The following FAM168A variants were observed in gnomAD, a reference collection of about 807,000 sequenced individuals.
FAM168A encodes family with sequence similarity 168 member A.
A neutral mutation model predicts 28.5 loss-of-function variants in FAM168A; 3 were observed. The observed-to-expected ratio is 0.11, with a 90% CI of 0.05 to 0.27. FAM168A has a LOEUF of 0.27. FAM168A is among the 10% of genes least tolerant of loss of function. FAM168A has a pLI of 1.00. For missense variants in FAM168A, 222 were observed against 311.5 expected (o/e 0.71, Z 2.16); for synonymous variants, 122 against 124.2 (o/e 0.98, Z 0.12).
At chr11:73,461,298 T>A (rs1468028882) in intron 2 of FAM168A, among the ~76,000 whole-genome samples, 2 of 151,958 alleles carry the variant, frequency 1.3e-5, no homozygotes, top group Non-Finnish European at 2.9e-5. Context: ...TACATTTTTT[T>A]ATAGAGATGA....
At chr11:73,455,938 CTT>C (rs34097066) in intron 2 of FAM168A, among the ~76,000 whole-genome samples, 1 of 152,150 alleles carries the variant, frequency 6.6e-6, no homozygotes, top group Non-Finnish European at 1.5e-5. Context: ...AATAAAGGAA[CTT>C]TTTACTTCTA....
At chr11:73,527,692 G>A (rs1332346791) in intron 1 of FAM168A, among the ~76,000 whole-genome samples, 1 of 152,014 alleles carries the variant, frequency 6.6e-6, no homozygotes, top group African/African-American at 2.4e-5. Context: ...TTAAGTAGCA[G>A]AAGGGGGTTT....
chr11:73,555,068 C>T (rs1943874608), intron 1 of FAM168A, among the ~76,000 whole-genome samples: 2 of 152,118 alleles, frequency 1.3e-5, no homozygotes, highest in African/African-American at 2.4e-5. Context: ...AGACATTAGC[C>T]TAGAGGAAAA....
At chr11:73,408,134 A>T (rs1415141842) in intron 6 of FAM168A, among the ~76,000 whole-genome samples, 3 of 152,016 alleles carry the variant, frequency 2.0e-5, no homozygotes, top group African/African-American at 7.3e-5. Context: ...GCCTCCCAAA[A>T]TGCTGGGATT....
intron 1 of FAM168A, among the ~76,000 whole-genome samples, chr11:73,495,479 T>A (rs1219063767): frequency 6.6e-6 from 1 of 152,088 alleles, no homozygotes. Context: ...TCACCACCAA[T>A]CTCCATTGAA....
chr11:73,469,863 G>A (rs781546812), intron 1 of FAM168A, among the ~76,000 whole-genome samples: 20 of 152,148 alleles, frequency 1.3e-4, no homozygotes, highest in Admixed American at 6.5e-4. Context: ...CACTCTCCTC[G>A]CAGAGTATTG....
chr11:73,434,824 A>T (rs1038651584), intron 2 of FAM168A, among the ~76,000 whole-genome samples: 1 of 152,250 alleles, frequency 6.6e-6, no homozygotes, highest in African/African-American at 2.4e-5. Context: ...CATAGCAATC[A>T]GCTGAGAGGC....
At chr11:73,553,063 T>C (rs1023390021) in intron 1 of FAM168A, among the ~76,000 whole-genome samples, 1 of 152,312 alleles carries the variant, frequency 6.6e-6, no homozygotes, top group South Asian at 2.1e-4. Context: ...GTTTTATAAA[T>C]TAATTAATCC....
chr11:73,498,747 G>A (rs1854943728), intron 1 of FAM168A, among the ~76,000 whole-genome samples: 1 of 152,222 alleles, frequency 6.6e-6, no homozygotes, highest in South Asian at 2.1e-4. Flanking sequence ...GGCTGTGGCA[G>A]TCTGTGGGCA....
intron 2 of FAM168A, among the ~76,000 whole-genome samples, chr11:73,450,888 T>G (rs1590786111): frequency 6.6e-6 from 1 of 152,226 alleles, no homozygotes; most frequent in East Asian, 1.9e-4. Flanking sequence ...ACAGTGGAGG[T>G]TCTCTAATCT....
At chr11:73,549,033 C>G (rs538785615) in intron 1 of FAM168A, among the ~76,000 whole-genome samples, 54 of 152,330 alleles carry the variant, frequency 3.5e-4, no homozygotes, top group African/African-American at 1.0e-3. Flanking sequence ...CCTCCACCCC[C>G]CGAGTTCAAG....
intron 1 of FAM168A, among the ~76,000 whole-genome samples, chr11:73,486,714 T>C (rs1236249921): frequency 6.6e-6 from 1 of 152,174 alleles, no homozygotes; most frequent in Non-Finnish European, 1.5e-5. Flanking sequence ...TCCAAATAGA[T>C]CATTTAGATG....
At chr11:73,496,711 C>T (rs1187606053) in intron 1 of FAM168A, among the ~76,000 whole-genome samples, 2 of 152,140 alleles carry the variant, frequency 1.3e-5, no homozygotes, top group Admixed American at 6.5e-5. Context: ...CAGGCGCCCA[C>T]CACCATGCCC....
At chr11:73,499,058 C>G (rs1854949091) in intron 1 of FAM168A, among the ~76,000 whole-genome samples, 1 of 152,168 alleles carries the variant, frequency 6.6e-6, no homozygotes, top group Non-Finnish European at 1.5e-5. Context: ...ACCCAAGACC[C>G]TTCGACAGGG....
intron 1 of FAM168A, among the ~76,000 whole-genome samples, chr11:73,502,757 T>C (rs1308762038): frequency 6.6e-6 from 1 of 152,126 alleles, no homozygotes; most frequent in Non-Finnish European, 1.5e-5. Flanking sequence ...TTCAATAAAA[T>C]ACTGGCAAAC....
intron 1 of FAM168A, among the ~76,000 whole-genome samples, chr11:73,553,649 T>G (rs1205707184): frequency 1.3e-5 from 2 of 152,092 alleles, no homozygotes; most frequent in African/African-American, 4.8e-5. Flanking sequence ...TGCAATGATC[T>G]AGGATAATAA....
At chr11:73,544,445 A>T (rs992572590) in intron 1 of FAM168A, among the ~76,000 whole-genome samples, 12 of 151,848 alleles carry the variant, frequency 7.9e-5, no homozygotes, top group African/African-American at 2.9e-4. Flanking sequence ...CCCAAGAGAA[A>T]TAAGAAACCT....
At chr11:73,510,027 C>T (rs1272282823) in intron 1 of FAM168A, among the ~76,000 whole-genome samples, 1 of 152,174 alleles carries the variant, frequency 6.6e-6, no homozygotes, top group Non-Finnish European at 1.5e-5. Flanking sequence ...TTGCTTCTCT[C>T]CAAGTGCAGC....
intron 2 of FAM168A, among the ~76,000 whole-genome samples, chr11:73,458,481 A>G (rs1867580664): frequency 6.6e-6 from 1 of 152,242 alleles, no homozygotes; most frequent in South Asian, 2.1e-4. Context: ...TCTGAGACAG[A>G]TACAAAATCA....
Sources: gnomAD v4.1 joint callset for allele counts (sites outside exome capture counted in the v4.1 genomes callset) on GRCh38, gnomAD v4.1.1 for gene constraint, MANE v1.5 for transcripts, NCBI Gene and HGNC (gene_info 2026-07-23, HGNC 2026-07-21) for gene names.